The following HMX1 variants were observed in gnomAD, a reference collection of about 807,000 sequenced individuals.
HMX1 encodes the protein H6 family homeobox 1, also known as homeobox protein HMX1.
Under a neutral mutation model 8.9 loss-of-function variants are expected in HMX1, and 8 were observed. That is an observed-to-expected ratio of 0.90 (90% CI 0.53 to 1.63). The LOEUF (loss-of-function observed/expected upper bound fraction) is 1.63, where lower values mean the gene tolerates loss of function less well. HMX1 is among the 40% of genes most tolerant of loss of function. The pLI, the probability that HMX1 is intolerant of heterozygous loss-of-function variation, is 0.00. For missense variants in HMX1, 621 were observed against 558.5 expected, an observed-to-expected ratio of 1.11 and a Z score of -1.13; for synonymous variants, 311 against 283.4, an observed-to-expected ratio of 1.10 and a Z score of -0.98.
At chr4:8,854,801 G>C (rs988786297) in intron 1 of HMX1, among the ~76,000 whole-genome samples, 1 of 152,230 alleles carries the variant, frequency 6.6e-6, no homozygotes, top group Non-Finnish European at 1.5e-5. Context: ...TAAAGTAACA[G>C]TAGTAAGTCC....
chr4:8,846,189 C>T, exon 2 of HMX1: 1 of 1,364,564 alleles, frequency 7.3e-7, no homozygotes, highest in Non-Finnish European at 1.0e-6. Context: ...CGTGTTGTGG[C>T]TGCACCATCC....
In HMX1 at chr4:8,868,241, G is replaced by A; in HGVS notation, c.499C>T (p.Leu167=). The A allele has an allele frequency of 7.0e-7, 1 of 1,437,012 alleles. No homozygotes were observed. Among genetic ancestry groups the A allele is most frequent in the Non-Finnish European group, 9.1e-7 (1 of 1,101,118 alleles). The allele number at this position is 1,437,012 out of a possible 1,614,324, so 89.0% of individuals were successfully genotyped here. A position where few individuals can be genotyped will look rare whatever the true frequency, so the allele number is the denominator to read the frequency against. ...CCGGCCGCCGGGCCACGCGCCGCCA[G>A]CTCCGCTGCCTCCCGCTGCACCGCT... ...PGAVQREAAE[L]AARGPAAGTE... The change falls in exon 2 of 2, where the codon CTG becomes TTG. Residue 167 remains leucine, a synonymous_variant. Transcript: ENST00000400677. The surrounding 1 kb of genome is among the most constrained non-coding windows in gnomAD (Gnocchi z 4.6).
chr4:8,858,373 A>C (rs1383675732), intron 1 of HMX1, among the ~76,000 whole-genome samples: 1 of 152,162 alleles, frequency 6.6e-6, no homozygotes, highest in African/African-American at 2.4e-5. Flanking sequence ...CCGAGGGGTG[A>C]GGGGGCAAAA....
At chr4:8,864,222 T>A (rs1192476542), downstream of HMX1, among the ~76,000 whole-genome samples, 1 of 152,060 alleles carries the variant, frequency 6.6e-6, no homozygotes, top group Non-Finnish European at 1.5e-5. Flanking sequence ...ACCATAGGTG[T>A]GCGGTGGGGA....
chr4:8,863,064 T>G (rs1001338123), downstream of HMX1, among the ~76,000 whole-genome samples: 2 of 152,070 alleles, frequency 1.3e-5, no homozygotes, highest in African/African-American at 4.8e-5. Flanking sequence ...GGGACCCACT[T>G]CCCAGCGGGA....
At chr4:8,866,093 CCTGGCCTCACAGTAAGGAACCAA>C (rs1269865954), downstream of HMX1, among the ~76,000 whole-genome samples, 1 of 152,048 alleles carries the variant, frequency 6.6e-6, no homozygotes, top group Non-Finnish European at 1.5e-5. Flanking sequence ...TTGCTGGAAC[CCTGGCCTCACAGTAAGGAACCAA>C]CTGATGGGCC....
At chr4:8,852,745 GC>G (rs1721493614) in intron 1 of HMX1, among the ~76,000 whole-genome samples, 1 of 152,210 alleles carries the variant, frequency 6.6e-6, no homozygotes, top group Non-Finnish European at 1.5e-5. Flanking sequence ...CTTCCAAGTT[GC>G]CTCCCAATAA....
chr4:8,859,771 G>A (rs1721734964), intron 1 of HMX1, among the ~76,000 whole-genome samples: 2 of 152,342 alleles, frequency 1.3e-5, no homozygotes, highest in African/African-American at 4.8e-5. Flanking sequence ...CTTCGTCATC[G>A]TGGGAATACC....
chr4:8,868,426 T>C lies in HMX1; in HGVS notation c.395-81A>G. 1 of 1,102,980 alleles carries C rather than the reference T, an allele frequency of 9.1e-7. No individual in the cohort carries two copies. Among genetic ancestry groups the C allele is most frequent in the Non-Finnish European group, 1.2e-6 (1 of 863,376 alleles). 68.3% of individuals were successfully genotyped at this position (1,102,980 alleles called of 1,614,324 possible). A position where few individuals can be genotyped will look rare whatever the true frequency, so the allele number is the denominator to read the frequency against. The stretch of plus-strand genomic sequence containing the variant: ...ATCACTGAGGCCAGCCGTCCCCACC[T>C]TGAGGTCGCTCACAGCCACAAGCAG... On this transcript the variant is annotated intron_variant, in intron 1 of 1. Transcript: ENST00000400677. This position sits in a 1 kb window ranked among gnomAD's most constrained non-coding sequence, Gnocchi z 4.6.
chr4:8,848,189 A>G lies in HMX1; in HGVS notation c.395-1865T>C, dbSNP rs1560163669. On this transcript the variant is annotated intron_variant, in intron 1 of 1. Coordinates refer to the HMX1 transcript ENST00000506970. The surrounding 1 kb of genome is among the most constrained non-coding windows in gnomAD (Gnocchi z 4.1). ...AATGGAGATGTGCTGTAAGTAAAAA[A>G]TGCATACTTTTGTGCTCTCCAAAGA... Among the ~76,000 whole-genome samples the G allele has an allele frequency of 1.3e-5, 2 of 152,358 alleles. No homozygotes were observed. Among genetic ancestry groups the G allele is most frequent in the Admixed American group, 1.3e-4 (2 of 15,308 alleles).
rs1353760693 is a variant in HMX1 at position 8,848,718 on chromosome 4, G to C, written c.395-2394C>G. 1.3e-5 allele frequency among the ~76,000 whole-genome samples: 2 copies of C among 152,142 alleles called. No individual in the cohort carries two copies. The highest frequency in any genetic ancestry group is 2.9e-5 in the Non-Finnish European group (2 of 68,030). ...CAGATCTGCAGGCCACTAGAACCAAGCAAGATGCCAACATGCCTGACACCC... is the reference window on the plus strand; with the variant it reads ...CAGATCTGCAGGCCACTAGAACCAACCAAGATGCCAACATGCCTGACACCC... On this transcript the variant is annotated intron_variant, in intron 1 of 1. Transcript: ENST00000506970. The surrounding 1 kb of genome is among the most constrained non-coding windows in gnomAD (Gnocchi z 4.1).
In HMX1 at chr4:8,867,538, G is replaced by C. The variant is rs1274106387; in HGVS notation, c.*155C>G. ...TAGAGGCGCTCCCCACAGAAGCTGA[G>C]GCCCGCCCGGCCGCGGCCTGCGCTC... On this transcript the variant is annotated 3_prime_UTR_variant, in exon 2 of 2. Transcript: ENST00000400677. 2 of 1,187,104 alleles carry C rather than the reference G, an allele frequency of 1.7e-6. No homozygotes were observed. Among genetic ancestry groups the C allele is most frequent in the Non-Finnish European group, 2.1e-6 (2 of 959,496 alleles). The allele number at this position is 1,187,104 out of a possible 1,614,324, so 73.5% of individuals were successfully genotyped here. A position where few individuals can be genotyped will look rare whatever the true frequency, so the allele number is the denominator to read the frequency against.
At chr4:8,852,569 C>G (rs1482843970) in intron 1 of HMX1, among the ~76,000 whole-genome samples, 1 of 152,194 alleles carries the variant, frequency 6.6e-6, no homozygotes, top group African/African-American at 2.4e-5. Context: ...GTGTGGGGAA[C>G]TGGACGCATC....
At position 8,871,105 on chromosome 4, in the gene HMX1, C is replaced by G. The variant is rs1194483619; in HGVS notation, c.394+116G>C. 12 of 1,129,028 alleles carry G rather than the reference C, an allele frequency of 1.1e-5. No homozygotes were observed. In the East Asian group the frequency reaches 1.2e-4, roughly 12 times the overall value. 69.9% of individuals were successfully genotyped at this position (1,129,028 alleles called of 1,614,324 possible). A position where few individuals can be genotyped will look rare whatever the true frequency, so the allele number is the denominator to read the frequency against. ...CCCACAAGGCCCAGACGCCGTTCCA[C>G]AGAAGGGAGAGGATGGCCCAGAACG... On this transcript the variant is annotated intron_variant, in intron 1 of 1. Coordinates refer to ENST00000400677, the MANE Select transcript of HMX1 (RefSeq NM_018942.3). This position sits in a 1 kb window ranked among gnomAD's most constrained non-coding sequence, Gnocchi z 4.8.
chr4:8,853,071 G>A lies in HMX1; in HGVS notation c.395-6747C>T, dbSNP rs1560168265. On this transcript the variant is annotated intron_variant, in intron 1 of 1. Transcript: ENST00000506970. This position sits in a 1 kb window ranked among gnomAD's most constrained non-coding sequence, Gnocchi z 4.7. ...CTGCCCACCTCCCACTGTGGTCAGT[G>A]CCCTGTCAGCAGCCAAACACAGATT... is the stretch of plus-strand genomic sequence containing the variant. Among the ~76,000 whole-genome samples, 1 of 152,072 alleles carries A rather than the reference G, an allele frequency of 6.6e-6. No individual in the cohort carries two copies. Among genetic ancestry groups the A allele is most frequent in the Non-Finnish European group, 1.5e-5 (1 of 68,020 alleles).
downstream of HMX1, among the ~76,000 whole-genome samples, chr4:8,862,972 GCAGT>G (rs1408638986): frequency 6.6e-6 from 1 of 152,158 alleles, no homozygotes; most frequent in African/African-American, 2.4e-5. Context: ...TCCCTCCAGG[GCAGT>G]CATTCATTGG....
Position 8,848,199 on chromosome 4 carries a change from T to C in HMX1, c.395-1875A>G, listed in dbSNP as rs1223872800. ...TGCTGTAAGTAAAAAATGCATACTTTTGTGCTCTCCAAAGAGAGTCCGAAA... is the reference window on the plus strand; with the variant it reads ...TGCTGTAAGTAAAAAATGCATACTTCTGTGCTCTCCAAAGAGAGTCCGAAA... On this transcript the variant is annotated intron_variant, in intron 1 of 1. Transcript: ENST00000506970. The surrounding 1 kb of genome is among the most constrained non-coding windows in gnomAD (Gnocchi z 4.1). 6.6e-6 allele frequency among the ~76,000 whole-genome samples: 1 copy of C among 152,230 alleles called. No homozygotes were observed. Among genetic ancestry groups the C allele is most frequent in the Non-Finnish European group, 1.5e-5 (1 of 68,036 alleles).
At chr4:8,860,384 T>G (rs144143743) in intron 1 of HMX1, among the ~76,000 whole-genome samples, 2,038 of 152,264 alleles carry the variant, frequency 0.013, 24 homozygotes, top group Non-Finnish European at 0.02. Flanking sequence ...CAGCAAGCAA[T>G]GCACCCGCGC....
At chr4:8,855,011 A>T (rs1336883919) in intron 1 of HMX1, among the ~76,000 whole-genome samples, 2 of 152,190 alleles carry the variant, frequency 1.3e-5, no homozygotes, top group East Asian at 3.9e-4. Flanking sequence ...TGTCCTGCTA[A>T]GTACAGTGAG....
Sources: gnomAD v4.1 joint callset for allele counts (sites outside exome capture counted in the v4.1 genomes callset) on GRCh38, gnomAD v4.1.1 for gene constraint, Gnocchi (gnomAD v3.1) non-coding constraint, MANE v1.5 for transcripts, NCBI Gene and HGNC (gene_info 2026-07-23, HGNC 2026-07-21) for gene names.